The following CTNNA2 variants were observed in gnomAD, a reference collection of about 807,000 sequenced individuals.
CTNNA2 encodes the protein catenin alpha 2.
A neutral mutation model predicts 101.0 loss-of-function variants in CTNNA2; 42 were observed. That is an observed-to-expected ratio of 0.42 (90% CI 0.32 to 0.54). CTNNA2 has a LOEUF of 0.54. CTNNA2 is among the 20% of genes least tolerant of loss of function. The pLI, the probability that CTNNA2 is intolerant of heterozygous loss-of-function variation, is 0.14. For missense variants in CTNNA2, 871 were observed against 1,223.1 expected (o/e 0.71, Z 4.29); for synonymous variants, 450 against 456.4 (o/e 0.99, Z 0.18).
chr2:79,817,310 C>A (rs1321780458), intron 3 of CTNNA2, among the ~76,000 whole-genome samples: 1 of 135,276 alleles, frequency 7.4e-6, no homozygotes, highest in Non-Finnish European at 1.5e-5. Context: ...ATGTATTTCT[C>A]TCTCACTTTT....
chr2:79,962,110 A>C (rs369009660), intron 7 of CTNNA2, among the ~76,000 whole-genome samples: 3 of 152,252 alleles, frequency 2.0e-5, no homozygotes, highest in African/African-American at 7.2e-5. Flanking sequence ...TATGCTAGAC[A>C]AGTAGCCATC....
At chr2:79,288,657 C>A (rs957309953) in intron 2 of CTNNA2, among the ~76,000 whole-genome samples, 5 of 152,092 alleles carry the variant, frequency 3.3e-5, no homozygotes, top group African/African-American at 9.7e-5. Context: ...TTCCTCATAC[C>A]ATGGTGGCTT....
Position 79,609,821 on chromosome 2 carries a change from G to A in CTNNA2, c.-5-41731G>A, listed in dbSNP as rs954209147. On this transcript the variant is annotated intron_variant, in intron 1 of 18. Coordinates refer to ENST00000402739, the MANE Select transcript of CTNNA2 (RefSeq NM_001282597.3). ...AAATACAAATGGAATGGATTCTGACGATACAATCGAAAACTCTAAAACTTC... is the reference window on the plus strand; with the variant it reads ...AAATACAAATGGAATGGATTCTGACAATACAATCGAAAACTCTAAAACTTC... 2.0e-5 allele frequency among the ~76,000 whole-genome samples: 3 copies of A among 152,118 alleles called. No homozygotes were observed. The South Asian group carries it at 6.2e-4, about 31-fold the overall frequency.
chr2:80,016,443 A>C (rs911581176), intron 7 of CTNNA2, among the ~76,000 whole-genome samples: 1 of 152,214 alleles, frequency 6.6e-6, no homozygotes, highest in African/African-American at 2.4e-5. Flanking sequence ...AAGCCCAGTC[A>C]GCCAGTGAGA....
intron 3 of CTNNA2, among the ~76,000 whole-genome samples, chr2:79,807,269 T>C (rs1461885772): frequency 6.6e-6 from 1 of 152,212 alleles, no homozygotes; most frequent in East Asian, 1.9e-4. Flanking sequence ...AATGTTCTTA[T>C]CCCTTGTTTC....
intron 12 of CTNNA2, among the ~76,000 whole-genome samples, chr2:80,559,786 T>C (rs1050414375): frequency 6.6e-6 from 1 of 151,934 alleles, no homozygotes; most frequent in Non-Finnish European, 1.5e-5. Context: ...AAGTACACGC[T>C]TGACCAGACC....
chr2:79,384,651 G>A, intron 4 of CTNNA2, among the ~76,000 whole-genome samples: 1 of 152,126 alleles, frequency 6.6e-6, no homozygotes, highest in East Asian at 1.9e-4. Flanking sequence ...TCAAAAGGCA[G>A]AGAAAATGTG....
intron 3 of CTNNA2, among the ~76,000 whole-genome samples, chr2:79,329,051 G>A (rs1265419740): frequency 6.6e-6 from 1 of 152,160 alleles, no homozygotes; most frequent in Non-Finnish European, 1.5e-5. Context: ...TGAGTTTACA[G>A]CCTACCTTAA....
intron 12 of CTNNA2, among the ~76,000 whole-genome samples, chr2:80,559,732 C>CA (rs1453063984): frequency 6.6e-6 from 1 of 151,954 alleles, no homozygotes; most frequent in Non-Finnish European, 1.5e-5. Flanking sequence ...ATGGGCTCTT[C>CA]AATAAAACCT....
chr2:79,498,604 C>A (rs551435395), intron 4 of CTNNA2, among the ~76,000 whole-genome samples: 1 of 152,124 alleles, frequency 6.6e-6, no homozygotes, highest in East Asian at 1.9e-4. Context: ...TAAAAAAAAA[C>A]CCTTAGGTAC....
At chr2:80,366,748 C>G (rs1459032531) in intron 7 of CTNNA2, among the ~76,000 whole-genome samples, 4 of 152,154 alleles carry the variant, frequency 2.6e-5, no homozygotes, top group Non-Finnish European at 4.4e-5. Context: ...ATATCTGAGA[C>G]AGGTCTCAGT....
At chr2:80,158,793 C>T (rs537693485) in intron 7 of CTNNA2, among the ~76,000 whole-genome samples, 1 of 152,188 alleles carries the variant, frequency 6.6e-6, no homozygotes, top group Admixed American at 6.5e-5. Flanking sequence ...TGCCTGTAGT[C>T]CCAGCTACTT....
At chr2:79,656,126 G>A (rs1215570279) in intron 2 of CTNNA2, among the ~76,000 whole-genome samples, 1 of 151,930 alleles carries the variant, frequency 6.6e-6, no homozygotes, top group Non-Finnish European at 1.5e-5. Context: ...TTTTAAGATG[G>A]GATTTTCCTT....
chr2:80,273,396 A>G (rs565827214), intron 7 of CTNNA2, among the ~76,000 whole-genome samples: 1 of 152,096 alleles, frequency 6.6e-6, no homozygotes, highest in African/African-American at 2.4e-5. Context: ...ATCATTTCTC[A>G]CCTGAAATAT....
intron 7 of CTNNA2, among the ~76,000 whole-genome samples, chr2:80,077,225 A>C (rs1302094659): frequency 6.6e-6 from 1 of 152,202 alleles, no homozygotes; most frequent in Non-Finnish European, 1.5e-5. Context: ...TTAAACATAC[A>C]TTTACCGTAG....
intron 18 of CTNNA2, among the ~76,000 whole-genome samples, chr2:80,640,680 A>G (rs1456143443): frequency 1.3e-5 from 2 of 152,354 alleles, no homozygotes; most frequent in East Asian, 1.9e-4. Flanking sequence ...TTTTTAAAAC[A>G]TGAAATGTTC....
intron 7 of CTNNA2, among the ~76,000 whole-genome samples, chr2:80,015,883 A>T (rs754270040): frequency 4.6e-5 from 7 of 152,116 alleles, no homozygotes; most frequent in Non-Finnish European, 1.0e-4. Context: ...TGTAAGGAGG[A>T]AAGAGAGATG....
At chr2:79,549,801 CT>C (rs1233963129) in intron 1 of CTNNA2, among the ~76,000 whole-genome samples, 2 of 152,114 alleles carry the variant, frequency 1.3e-5, no homozygotes, top group Non-Finnish European at 2.9e-5. Context: ...CCCCTGGTTT[CT>C]TTATCTGCTA....
Position 80,574,334 on chromosome 2 carries a change from C to T in CTNNA2, c.1893+20C>T. On this transcript the variant is annotated intron_variant, in intron 13 of 18. Transcript: ENST00000402739. Reference sequence around the variant, plus strand: ...ATCAGGGTATGTGAGGCCTCTGTAGCTCAGAGCTGGTCAGATCTCCTAGTA... The same window carrying T: ...ATCAGGGTATGTGAGGCCTCTGTAGTTCAGAGCTGGTCAGATCTCCTAGTA... 1 of 1,585,832 alleles carries T rather than the reference C, an allele frequency of 6.3e-7. No homozygotes were observed. Among genetic ancestry groups the T allele is most frequent in the Non-Finnish European group, 8.6e-7 (1 of 1,160,116 alleles).
Sources: allele counts gnomAD v4.1 joint callset (sites outside exome capture counted in the v4.1 genomes callset), GRCh38; gene constraint gnomAD v4.1.1; transcripts MANE v1.5; gene names NCBI Gene and HGNC (gene_info 2026-07-23, HGNC 2026-07-21).